Variants in CNTNAP5 observed in about 807,000 individuals in gnomAD.
CNTNAP5 encodes contactin associated protein family member 5.
A neutral mutation model predicts 150.2 loss-of-function variants in CNTNAP5; 72 were observed. That is an observed-to-expected ratio of 0.48 (90% CI 0.40 to 0.58). The LOEUF (loss-of-function observed/expected upper bound fraction) is 0.58. Among genes scored for constraint, CNTNAP5 ranks in the 20% least tolerant of loss-of-function variants. The pLI is 0.00. For synonymous variants in CNTNAP5, 672 were observed against 619.8 expected, an observed-to-expected ratio of 1.08 and a Z score of -1.25; for missense variants, 1,636 against 1,626.2, an observed-to-expected ratio of 1.01 and a Z score of -0.10.
chr2:124,082,857 T>A lies in CNTNAP5; in HGVS notation c.82+57125T>A, dbSNP rs546364922. Among the ~76,000 whole-genome samples, 16 of 152,348 alleles carry A rather than the reference T, an allele frequency of 1.1e-4. No individual in the cohort carries two copies. In the South Asian group the frequency reaches 2.5e-3, roughly 24 times the overall value. The stretch of plus-strand genomic sequence containing the variant: ...ATTCTGATAGCTCTATAGTTACATC[T>A]CATTGTGGTTTTAATTTGCATTTAT... On this transcript the variant is annotated intron_variant, in intron 1 of 23. Transcript: ENST00000682447.
intron 3 of CNTNAP5, among the ~76,000 whole-genome samples, chr2:124,315,900 C>T (rs1342705675): frequency 6.6e-6 from 1 of 152,138 alleles, no homozygotes; most frequent in Non-Finnish European, 1.5e-5. Context: ...AAAGAAAGTT[C>T]TTCATTCTCA....
chr2:124,790,813 C>A (rs1681710836), intron 18 of CNTNAP5, among the ~76,000 whole-genome samples: 1 of 152,106 alleles, frequency 6.6e-6, no homozygotes, highest in Non-Finnish European at 1.5e-5. Flanking sequence ...ACACCTTGGA[C>A]AAGGAATGAG....
In CNTNAP5 at chr2:124,252,603, C is replaced by T. The variant is rs565734699; in HGVS notation, c.381+10210C>T. On this transcript the variant is annotated intron_variant, in intron 3 of 23. Transcript: ENST00000682447. ...CTTCATACACTCCCCCCTCATTCCA[C>T]GTAATGTGTTTGAGTTCTCTTCTTG... Among the ~76,000 whole-genome samples, 9 of 152,204 alleles carry T rather than the reference C, an allele frequency of 5.9e-5. No individual in the cohort carries two copies. The East Asian group carries it at 9.7e-4, about 16-fold the overall frequency.
At chr2:124,736,999 T>G in intron 13 of CNTNAP5, among the ~76,000 whole-genome samples, 1 of 152,064 alleles carries the variant, frequency 6.6e-6, no homozygotes. Flanking sequence ...GTCAGTACTC[T>G]TAAGAACAAT....
At chr2:124,394,587 T>C (rs1158378531) in intron 3 of CNTNAP5, among the ~76,000 whole-genome samples, 2 of 152,128 alleles carry the variant, frequency 1.3e-5, no homozygotes, top group Non-Finnish European at 2.9e-5. Flanking sequence ...AGTTATATAT[T>C]GAACACTCAA....
In CNTNAP5 at chr2:124,731,106, T is replaced by C. The variant is rs968319483; in HGVS notation, c.2078-16123T>C. On this transcript the variant is annotated intron_variant, in intron 13 of 23. Coordinates refer to ENST00000682447, the MANE Select transcript of CNTNAP5 (RefSeq NM_001367498.1). ...CTGGGCTCCATCAACTTTCTGTCTA[T>C]GCCTTGCTCAGACCTCTAATGAATA... Among the ~76,000 whole-genome samples the C allele has an allele frequency of 2.6e-5, 4 of 152,262 alleles. No individual in the cohort carries two copies. In the East Asian group the frequency reaches 7.7e-4, roughly 29 times the overall value.
chr2:124,505,949 G>C (rs567686049), intron 8 of CNTNAP5, among the ~76,000 whole-genome samples: 1 of 152,292 alleles, frequency 6.6e-6, no homozygotes, highest in South Asian at 2.1e-4. Context: ...TAATTTAGAT[G>C]CCTTTTTCTC....
At chr2:124,257,386 C>A (rs976365598) in intron 3 of CNTNAP5, among the ~76,000 whole-genome samples, 2 of 152,210 alleles carry the variant, frequency 1.3e-5, no homozygotes, top group Non-Finnish European at 2.9e-5. Context: ...TCCAGGGCAC[C>A]TAGCACAATG....
At chr2:124,658,854 G>T (rs6739364) in intron 13 of CNTNAP5, among the ~76,000 whole-genome samples, 84,123 of 152,046 alleles carry the variant, frequency 0.55, 23,865 homozygotes, top group Non-Finnish European at 0.62. Flanking sequence ...ATAGGTGTTA[G>T]GCTATAATGG....
intron 19 of CNTNAP5, among the ~76,000 whole-genome samples, chr2:124,852,015 G>A (rs898866113): frequency 6.6e-6 from 1 of 152,168 alleles, no homozygotes; most frequent in African/African-American, 2.4e-5. Flanking sequence ...GGAGAGAGGA[G>A]AGGACACAAA....
chr2:124,660,272 T>G (rs564913410), intron 13 of CNTNAP5, among the ~76,000 whole-genome samples: 1 of 152,268 alleles, frequency 6.6e-6, no homozygotes, highest in African/African-American at 2.4e-5. Context: ...GGTAGGCATC[T>G]ATCTTAGCGG....
chr2:124,350,549 A>T (rs1247596535), intron 3 of CNTNAP5, among the ~76,000 whole-genome samples: 1 of 151,924 alleles, frequency 6.6e-6, no homozygotes. Context: ...ATTTACTCAA[A>T]TATAAATAAC....
chr2:124,915,481 T>A lies in CNTNAP5; in HGVS notation c.*1193T>A, dbSNP rs551967942. On this transcript the variant is annotated 3_prime_UTR_variant, in exon 24 of 24. Transcript: ENST00000682447. ...TTTGCAAGTTTCACATTTTTTAACA[T>A]CAAGCTATTCTCCAAGAAGTTTAGG... Among the ~76,000 whole-genome samples, 1 of 152,168 alleles carries A rather than the reference T, an allele frequency of 6.6e-6. No individual in the cohort carries two copies. Among genetic ancestry groups the A allele is most frequent in the African/African-American group, 2.4e-5 (1 of 41,566 alleles).
chr2:124,185,667 G>A (rs1027960734), intron 1 of CNTNAP5, among the ~76,000 whole-genome samples: 3 of 152,112 alleles, frequency 2.0e-5, no homozygotes, highest in Non-Finnish European at 2.9e-5. Context: ...AAAGAAGAGC[G>A]TCTGTTTAAA....
At chr2:124,268,805 C>T (rs985059475) in intron 3 of CNTNAP5, among the ~76,000 whole-genome samples, 1 of 152,174 alleles carries the variant, frequency 6.6e-6, no homozygotes, top group Admixed American at 6.5e-5. Context: ...CCTATTTTCA[C>T]TGGGAGAGTC....
intron 4 of CNTNAP5, among the ~76,000 whole-genome samples, chr2:124,419,947 T>TCTTTC (rs1363224054): frequency 1.5e-5 from 2 of 129,340 alleles, no homozygotes; most frequent in Non-Finnish European, 3.2e-5. Context: ...TTTCTTTCTT[T>TCTTTC]CTTTCTTTCC....
At chr2:124,417,991 GGAGA>G (rs1202036162) in intron 4 of CNTNAP5, among the ~76,000 whole-genome samples, 1 of 152,136 alleles carries the variant, frequency 6.6e-6, no homozygotes, top group African/African-American at 2.4e-5. Context: ...TAGAAGACGA[GGAGA>G]AAGAACAACT....
intron 5 of CNTNAP5, among the ~76,000 whole-genome samples, chr2:124,437,734 G>T (rs886439852): frequency 6.6e-6 from 1 of 152,096 alleles, no homozygotes; most frequent in Non-Finnish European, 1.5e-5. Flanking sequence ...GATCAGGATT[G>T]TTCTTTTAAA....
chr2:124,811,155 A>G (rs936693670), intron 19 of CNTNAP5, among the ~76,000 whole-genome samples: 57 of 152,182 alleles, frequency 3.7e-4, no homozygotes, highest in Admixed American at 2.3e-3. Context: ...ATGACAGGGA[A>G]TCTTATGTGA....
Sources: gnomAD v4.1 joint callset for allele counts (sites outside exome capture counted in the v4.1 genomes callset) on GRCh38, gnomAD v4.1.1 for gene constraint, MANE v1.5 for transcripts, NCBI Gene and HGNC (gene_info 2026-07-23, HGNC 2026-07-21) for gene names.